Variants in PTGFRN observed in about 807,000 individuals in gnomAD.
PTGFRN encodes the protein prostaglandin F2 receptor inhibitor.
Under a neutral mutation model 83.2 loss-of-function variants are expected in PTGFRN, and 35 were observed. The ratio of observed to expected loss-of-function variants is 0.42; its 90% CI spans 0.32 to 0.56. The LOEUF is 0.56. Among genes scored for constraint, PTGFRN ranks in the 20% least tolerant of loss-of-function variants. The pLI is 0.11. For missense variants in PTGFRN, 1,051 were observed against 1,179.5 expected, an observed-to-expected ratio of 0.89 and a Z score of 1.60; for synonymous variants, 519 against 498.6, an observed-to-expected ratio of 1.04 and a Z score of -0.55.
intron 6 of PTGFRN, among the ~76,000 whole-genome samples, chr1:116,973,917 G>C (rs761144307): frequency 4.6e-5 from 7 of 152,208 alleles, no homozygotes; most frequent in Non-Finnish European, 4.4e-5. Context: ...CTGTTCCAGG[G>C]TGGAGGGTAG....
chr1:116,944,856 T>A lies in PTGFRN; in HGVS notation c.596T>A (p.Leu199Gln). Reference protein sequence around the residue: ...RGPARRSVLALTHEGRFHPGL... With the variant: ...RGPARRSVLAQTHEGRFHPGL... ...CCGGCCAGGCGGAGCGTCCTCGCCC[T>A]GACCCACGAGGGCAGGTTCCACCCG... Residue 199 changes from leucine to glutamine, a missense_variant, in exon 3 of 9, where the codon CTG becomes CAG. Around this residue, in one of 3 missense-constraint regions of PTGFRN, gnomAD observed 205 missense variants for 174.5 expected, o/e 1.17. Transcript: ENST00000393203. 6.2e-7 allele frequency: 1 copy of A among 1,602,124 alleles called. No homozygotes were observed. Among genetic ancestry groups the A allele is most frequent in the South Asian group, 1.1e-5 (1 of 89,996 alleles).
Position 116,961,105 on chromosome 1 carries a change from T to A in PTGFRN, c.1214-138T>A. The A allele has an allele frequency of 1.0e-6, 1 of 974,346 alleles. No individual in the cohort carries two copies. The highest frequency in any genetic ancestry group is 1.4e-6 in the Non-Finnish European group (1 of 706,182). 60.4% of individuals were successfully genotyped at this position (974,346 alleles called of 1,614,324 possible). On this transcript the variant is annotated intron_variant, in intron 4 of 8. Coordinates refer to ENST00000393203, the MANE Select transcript of PTGFRN (RefSeq NM_020440.4). The surrounding 1 kb of genome is among the most constrained non-coding windows in gnomAD (Gnocchi z 5.4). ...CTAGGATCCTATCCAATGCAACGAC[T>A]GATTTCTGTCTCTCTAGTCCGGCAG...
intron 7 of PTGFRN, among the ~76,000 whole-genome samples, chr1:116,976,840 A>G (rs1383125894): frequency 1.3e-5 from 2 of 152,208 alleles, no homozygotes; most frequent in African/African-American, 4.8e-5. Context: ...ACTAGCTAAC[A>G]TCATAATGAC....
At position 116,961,279 on chromosome 1, in the gene PTGFRN, TC is replaced by T; in HGVS notation, c.1254del (p.Phe420LeufsTer32). ...CAGGTGTACCTGAATGCTTCCAAGG[TC>T]CCCGGGTTTGCGGATGACCCCACAG... ...DYQVYLNASKVPGFADDPTEL... is the reference protein window; with the variant it reads ...DYQVYLNASKXPGFADDPTEL... On this transcript the variant is annotated frameshift_variant, in exon 5 of 9. Transcript: ENST00000393203. LOFTEE classifies it high-confidence loss of function. The surrounding 1 kb of genome is among the most constrained non-coding windows in gnomAD (Gnocchi z 5.4). 1 of 1,533,176 alleles carries T rather than the reference TC, an allele frequency of 6.5e-7. No homozygotes were observed. The highest frequency in any genetic ancestry group is 2.0e-5 in the Admixed American group (1 of 48,854). The allele number at this position is 1,533,176 out of a possible 1,614,324, so 95.0% of individuals were successfully genotyped here. A position where few individuals can be genotyped will look rare whatever the true frequency, so the allele number is the denominator to read the frequency against.
chr1:116,925,006 G>A (rs1649618627), intron 1 of PTGFRN, among the ~76,000 whole-genome samples: 1 of 152,178 alleles, frequency 6.6e-6, no homozygotes, highest in South Asian at 2.1e-4. Flanking sequence ...GGCTGAGGTG[G>A]GGAAGGATCA....
intron 7 of PTGFRN, among the ~76,000 whole-genome samples, chr1:116,980,865 A>G (rs938025316): frequency 3.3e-5 from 5 of 152,182 alleles, no homozygotes; most frequent in Admixed American, 6.6e-5. Flanking sequence ...AATAATAAAA[A>G]TATGCCCAAA....
chr1:116,953,099 C>T (rs1038437828), intron 4 of PTGFRN, among the ~76,000 whole-genome samples: 1 of 152,160 alleles, frequency 6.6e-6, no homozygotes, highest in Non-Finnish European at 1.5e-5. Context: ...ACTTCTGTGG[C>T]GTTAATTGGA....
intron 6 of PTGFRN, among the ~76,000 whole-genome samples, chr1:116,971,227 C>A (rs538662608): frequency 1.3e-5 from 2 of 152,188 alleles, no homozygotes; most frequent in African/African-American, 4.8e-5. Context: ...ATATTGTCAC[C>A]AATTCTAGGT....
chr1:116,938,113 C>T (rs1250380197), intron 1 of PTGFRN, among the ~76,000 whole-genome samples: 2 of 152,122 alleles, frequency 1.3e-5, no homozygotes, highest in African/African-American at 4.8e-5. Flanking sequence ...TCTTTGTGAA[C>T]TGTGGTAATG....
intron 1 of PTGFRN, among the ~76,000 whole-genome samples, chr1:116,927,850 A>G (rs958791740): frequency 1.3e-5 from 2 of 152,136 alleles, no homozygotes; most frequent in South Asian, 4.1e-4. Context: ...TGGCAGCAAA[A>G]ACTAAGAAAA....
At chr1:116,979,929 C>G (rs1221796284) in intron 7 of PTGFRN, among the ~76,000 whole-genome samples, 2 of 139,304 alleles carry the variant, frequency 1.4e-5, no homozygotes, top group Admixed American at 1.5e-4. Flanking sequence ...TCAGAGTGAA[C>G]AGGCAACCTA....
chr1:116,921,501 C>T (rs942198627), intron 1 of PTGFRN, among the ~76,000 whole-genome samples: 5 of 152,170 alleles, frequency 3.3e-5, no homozygotes, highest in East Asian at 1.9e-4. Context: ...GTGTAACTCA[C>T]GGCATGACAC....
chr1:116,921,078 A>G (rs1484566615), intron 1 of PTGFRN, among the ~76,000 whole-genome samples: 2 of 152,234 alleles, frequency 1.3e-5, no homozygotes, highest in African/African-American at 4.8e-5. Context: ...AAAAGGATAC[A>G]TTCTAGAAAG....
chr1:116,958,266 G>T lies in PTGFRN; in HGVS notation c.1214-2977G>T, dbSNP rs1443723363. Among the ~76,000 whole-genome samples, 1 of 152,204 alleles carries T rather than the reference G, an allele frequency of 6.6e-6. No homozygotes were observed. On this transcript the variant is annotated intron_variant, in intron 4 of 8. Transcript: ENST00000393203. The surrounding 1 kb of genome is among the most constrained non-coding windows in gnomAD (Gnocchi z 4.9). ...GTCAGTCAGGCTGAGGCGAGGGCCTGCAGGGAGCTGTCTTCTGGGTCACAT... is the reference window on the plus strand; with the variant it reads ...GTCAGTCAGGCTGAGGCGAGGGCCTTCAGGGAGCTGTCTTCTGGGTCACAT...
chr1:116,960,017 C>G (rs1354788763), intron 4 of PTGFRN, among the ~76,000 whole-genome samples: 1 of 152,026 alleles, frequency 6.6e-6, no homozygotes, highest in Non-Finnish European at 1.5e-5. Context: ...TTTCTAAAAG[C>G]CTGAACATTC....
At chr1:116,917,033 G>C (rs780212335) in intron 1 of PTGFRN, among the ~76,000 whole-genome samples, 1 of 152,006 alleles carries the variant, frequency 6.6e-6, no homozygotes, top group African/African-American at 2.4e-5. Flanking sequence ...GCACGCTGTC[G>C]GAAGCCAAGC....
chr1:116,935,670 ATAGT>A (rs1402234818), intron 1 of PTGFRN, among the ~76,000 whole-genome samples: 1 of 152,192 alleles, frequency 6.6e-6, no homozygotes, highest in African/African-American at 2.4e-5. Context: ...CATGAAGGTG[ATAGT>A]TAAAGTGCCC....
chr1:116,922,831 CT>C (rs1399053582), intron 1 of PTGFRN, among the ~76,000 whole-genome samples: 2 of 152,318 alleles, frequency 1.3e-5, no homozygotes, highest in Admixed American at 6.5e-5. Context: ...CCAAGTACCC[CT>C]CCCACCAGTC....
At chr1:116,929,365 A>G (rs1015127257) in intron 1 of PTGFRN, among the ~76,000 whole-genome samples, 1 of 152,166 alleles carries the variant, frequency 6.6e-6, no homozygotes, top group African/African-American at 2.4e-5. Context: ...AATTGGCCCC[A>G]TATAATCTGT....
Sources: gnomAD v4.1 joint callset for allele counts (sites outside exome capture counted in the v4.1 genomes callset) on GRCh38, gnomAD v4.1.1 for gene constraint, gnomAD v4.1.1 regional missense constraint, Gnocchi (gnomAD v3.1) non-coding constraint, MANE v1.5 for transcripts, NCBI Gene and HGNC (gene_info 2026-07-23, HGNC 2026-07-21) for gene names.